Variants in GRAMD2A observed in about 807,000 individuals in gnomAD.
GRAMD2A encodes GRAM domain-containing protein 2A.
A neutral mutation model predicts 51.1 loss-of-function variants in GRAMD2A; 37 were observed. The observed-to-expected ratio is 0.72, with a 90% CI of 0.56 to 0.95. GRAMD2A has a LOEUF of 0.95. Ranked by LOEUF, GRAMD2A falls within the 40% of genes least tolerant of loss-of-function variation. The pLI is 0.00. For missense variants in GRAMD2A, 414 were observed against 426.9 expected (o/e 0.97, Z 0.27); for synonymous variants, 136 against 157.1 (o/e 0.87, Z 1.01).
At chr15:72,169,979 G>A in intron 1 of GRAMD2A, 40 bp from the exon 2 acceptor site, 1 of 1,468,298 alleles carries the variant, frequency 6.8e-7, no homozygotes, top group Non-Finnish European at 9.6e-7. Flanking sequence ...GGGGCTTCAT[G>A]AGGACACCTT....
At position 72,161,655 on chromosome 15, in the gene GRAMD2A, T is replaced by C. The variant is rs2081477119; in HGVS notation, c.*354A>G. ...ATGGCCTCTGTCCTTTGAGGTGGCC[T>C]CCAGTGTTCTGCCTGTGTGCCAGAA... On this transcript the variant is annotated 3_prime_UTR_variant, in exon 12 of 12. Transcript: ENST00000309731. 3.1e-6 allele frequency: 1 copy of C among 322,384 alleles called. No homozygotes were observed. The highest frequency in any genetic ancestry group is 2.2e-5 in the African/African-American group (1 of 46,378). 20.0% of individuals were successfully genotyped at this position (322,384 alleles called of 1,614,324 possible). A position where few individuals can be genotyped will look rare whatever the true frequency, so the allele number is the denominator to read the frequency against.
chr15:72,163,410 C>A lies in GRAMD2A; in HGVS notation c.812G>T (p.Gly271Val), dbSNP rs2081502758. Residue 271 changes from glycine to valine, a missense_variant, in exon 10 of 12, where the codon GGT becomes GTT. Gly to Val is a moderately radical substitution (Grantham distance 109). Coordinates refer to ENST00000309731, the MANE Select transcript of GRAMD2A (RefSeq NM_001012642.3). ...CGGCATCTTCTTAGGGCAGGCAGGA[C>A]CCCAGCCTGGCATGGGCCATGCCCA... ...GRWAWPMPGW[G>V]PACPKKMPNC... 6.2e-7 allele frequency: 1 copy of A among 1,614,042 alleles called. No individual in the cohort carries two copies. The highest frequency in any genetic ancestry group is 1.1e-5 in the South Asian group (1 of 91,078).
intron 1 of GRAMD2A, among the ~76,000 whole-genome samples, chr15:72,195,482 G>A (rs1047410672): frequency 6.6e-6 from 1 of 152,188 alleles, no homozygotes; most frequent in African/African-American, 2.4e-5. Context: ...CAGCTCATGG[G>A]AGAGCTTCCA....
intron 8 of GRAMD2A, among the ~76,000 whole-genome samples, chr15:72,164,518 A>G (rs972773367): frequency 2.7e-5 from 4 of 150,890 alleles, no homozygotes; most frequent in Non-Finnish European, 5.9e-5. Flanking sequence ...TGATCCTCCC[A>G]TCTCAGCCTC....
At chr15:72,176,787 G>A (rs1421397669) in intron 1 of GRAMD2A, among the ~76,000 whole-genome samples, 1 of 151,794 alleles carries the variant, frequency 6.6e-6, no homozygotes, top group Non-Finnish European at 1.5e-5. Context: ...TACTTCAGGG[G>A]GAAAGGACAC....
intron 1 of GRAMD2A, among the ~76,000 whole-genome samples, chr15:72,190,247 C>CA (rs1312107510): frequency 6.6e-6 from 1 of 152,096 alleles, no homozygotes; most frequent in Non-Finnish European, 1.5e-5. Flanking sequence ...GGCGTGGTGG[C>CA]AGGCGCCTGT....
Position 72,168,991 on chromosome 15 carries a change from T to G in GRAMD2A, c.140A>C (p.His47Pro). The G allele has an allele frequency of 1.2e-6, 2 of 1,614,108 alleles. No homozygotes were observed. The highest frequency in any genetic ancestry group is 1.7e-6 in the Non-Finnish European group (2 of 1,179,932). The change falls in exon 3 of 12, where the codon CAC (histidine) becomes CCC (proline). Residue 47 changes from histidine (H) to proline (P), a missense_variant. Transcript: ENST00000309731. The stretch of plus-strand genomic sequence containing the variant: ...TTCACCCTTCAAGCCTTCTGGCCAG[T>G]GCAGACTGCAAAGGAGACATTCCAT... ...RVEEPPDYSL[H>P]WPEGLKGEEI...
At chr15:72,185,474 A>C (rs1332310055) in intron 1 of GRAMD2A, among the ~76,000 whole-genome samples, 1 of 152,244 alleles carries the variant, frequency 6.6e-6, no homozygotes, top group Non-Finnish European at 1.5e-5. Context: ...GATTACAGGC[A>C]TAAGCCACCA....
Position 72,170,092 on chromosome 15 carries a change from G to T in GRAMD2A, c.42-153C>A. On this transcript the variant is annotated intron_variant, in intron 1 of 11. Transcript: ENST00000309731. This position sits in a 1 kb window ranked among gnomAD's most constrained non-coding sequence, Gnocchi z 4.5. Reference sequence around the variant, plus strand: ...CTGAAAATGTCACAGTTCAGAGGCAGCAGCGCAGGCAGAGGTTCTGGGATG... The same window carrying T: ...CTGAAAATGTCACAGTTCAGAGGCATCAGCGCAGGCAGAGGTTCTGGGATG... 1.4e-6 allele frequency: 1 copy of T among 721,242 alleles called. No individual in the cohort carries two copies. The allele number at this position is 721,242 out of a possible 1,614,324, so 44.7% of individuals were successfully genotyped here.
At chr15:72,181,104 G>A (rs920571487) in intron 1 of GRAMD2A, among the ~76,000 whole-genome samples, 2 of 152,196 alleles carry the variant, frequency 1.3e-5, no homozygotes, top group African/African-American at 4.8e-5. Flanking sequence ...AGGCCCCAAG[G>A]CCAGAAGTGT....
intron 2 of GRAMD2A, chr15:72,169,460 C>T: frequency 1.9e-6 from 1 of 519,796 alleles, no homozygotes; most frequent in Admixed American, 2.3e-5. Flanking sequence ...GCAGGACTGC[C>T]CTCCCTGCCG....
chr15:72,169,179 A>G, intron 2 of GRAMD2A, 183 bp from the exon 3 acceptor site: 1 of 625,870 alleles, frequency 1.6e-6, no homozygotes, highest in South Asian at 1.8e-5. Flanking sequence ...TATACAGCTC[A>G]TCCCTGGGGG....
At chr15:72,183,676 T>A (rs1170835927) in intron 1 of GRAMD2A, among the ~76,000 whole-genome samples, 2 of 151,830 alleles carry the variant, frequency 1.3e-5, no homozygotes, top group Non-Finnish European at 2.9e-5. Flanking sequence ...CTAAAAAAAA[T>A]AAATAAATAC....
intron 10 of GRAMD2A, 110 bp from the exon 11 acceptor site, chr15:72,162,487 A>G (rs1438988528): frequency 6.7e-6 from 5 of 741,252 alleles, no homozygotes; most frequent in Non-Finnish European, 1.1e-5. Context: ...GGAAGAATTA[A>G]AGAGCCCTTT....
chr15:72,165,405 G>A lies in GRAMD2A; in HGVS notation c.549C>T (p.Ser183=). ...LRRVCTHLQP[S]SKKSLSVREF... ...CTCTTACACTCAGACTCTTCTTGCT[G>A]GAAGGCTGAGGAGGAAAGGGAACAG... The change falls in exon 8 of 12, where the codon TCC becomes TCT. Residue 183 remains serine, a synonymous_variant. Transcript: ENST00000309731. 2.5e-6 allele frequency: 4 copies of A among 1,614,004 alleles called. No individual in the cohort carries two copies. The highest frequency in any genetic ancestry group is 3.4e-6 in the Non-Finnish European group (4 of 1,179,942).
chr15:72,162,938 G>A (rs1050275642), intron 10 of GRAMD2A: 6 of 292,134 alleles, frequency 2.1e-5, no homozygotes, highest in Admixed American at 4.6e-5. Flanking sequence ...GGGCAGTGGC[G>A]AGGCCAAGCT....
chr15:72,180,258 C>T (rs1170697095), intron 1 of GRAMD2A, among the ~76,000 whole-genome samples: 3 of 152,254 alleles, frequency 2.0e-5, no homozygotes, highest in East Asian at 3.9e-4. Context: ...CTGCTGGCTT[C>T]GTCCCATCAT....
intron 1 of GRAMD2A, among the ~76,000 whole-genome samples, chr15:72,191,353 C>G (rs1240059705): frequency 6.6e-6 from 1 of 152,138 alleles, no homozygotes; most frequent in Admixed American, 6.5e-5. Context: ...GTGCCCGCCA[C>G]CATGCCCAGC....
intron 1 of GRAMD2A, among the ~76,000 whole-genome samples, chr15:72,185,420 C>T (rs2081728620): frequency 6.6e-6 from 1 of 152,104 alleles, no homozygotes. Flanking sequence ...TCTTCAACTC[C>T]CAACCTCAGG....
Sources: gnomAD v4.1 joint callset for allele counts (sites outside exome capture counted in the v4.1 genomes callset) on GRCh38, gnomAD v4.1.1 for gene constraint, Gnocchi (gnomAD v3.1) non-coding constraint, MANE v1.5 for transcripts, NCBI Gene and HGNC (gene_info 2026-07-23, HGNC 2026-07-21) for gene names.